STXBP4: variants seen among roughly 807,000 people sequenced by gnomAD.
The protein encoded by STXBP4 is syntaxin-binding protein 4.
A neutral mutation model predicts 76.1 loss-of-function variants in STXBP4; 55 were observed. That is an observed-to-expected ratio of 0.72 (90% confidence interval 0.58 to 0.91). STXBP4 has a LOEUF of 0.91. Ranked by LOEUF, STXBP4 falls within the 40% of genes least tolerant of loss-of-function variation. The pLI is 0.00. For missense variants in STXBP4, 618 were observed against 636.9 expected, an observed-to-expected ratio of 0.97 and a Z score of 0.32; for synonymous variants, 201 against 220.2, an observed-to-expected ratio of 0.91 and a Z score of 0.77.
At chr17:55,153,775 C>T (rs1162261241) in intron 17 of STXBP4, among the ~76,000 whole-genome samples, 1 of 152,130 alleles carries the variant, frequency 6.6e-6, no homozygotes, top group Non-Finnish European at 1.5e-5. Context: ...AACGTGGAAA[C>T]GTTGACAGTG....
At chr17:55,066,920 T>C (rs2079058765) in intron 12 of STXBP4, among the ~76,000 whole-genome samples, 1 of 152,210 alleles carries the variant, frequency 6.6e-6, no homozygotes, top group African/African-American at 2.4e-5. Flanking sequence ...TATTATTATA[T>C]GGTGTTTCTC....
intron 16 of STXBP4, among the ~76,000 whole-genome samples, chr17:55,128,925 CTTTTTTTTT>C (rs35073950): frequency 1.2e-5 from 1 of 86,276 alleles, no homozygotes; most frequent in South Asian, 3.9e-4. Context: ...TGTAAGGATT[CTTTTTTTTT>C]TTTTTTTTTT....
At position 55,159,663 on chromosome 17, in the gene STXBP4, T is replaced by C. The variant is rs1216743977; in HGVS notation, c.1548-134T>C. Reference sequence around the variant, plus strand: ...ATGTGTCTAAGACTTATTAAAGCTATTGGATCTAGTTCTAACTGCTTCCTA... The same window carrying C: ...ATGTGTCTAAGACTTATTAAAGCTACTGGATCTAGTTCTAACTGCTTCCTA... On this transcript the variant is annotated intron_variant, in intron 17 of 17. Transcript: ENST00000376352. 3.3e-5 allele frequency: 18 copies of C among 544,710 alleles called. No individual in the cohort carries two copies. The South Asian group carries it at 4.5e-4, about 14-fold the overall frequency. 33.7% of individuals were successfully genotyped at this position (544,710 alleles called of 1,614,324 possible).
chr17:55,096,133 TG>T (rs1172281864), intron 16 of STXBP4, among the ~76,000 whole-genome samples: 1 of 152,052 alleles, frequency 6.6e-6, no homozygotes, highest in Non-Finnish European at 1.5e-5. Context: ...TATAGGTTTA[TG>T]GGGGTTTTGT....
rs774742250 is a variant in STXBP4 at position 54,999,372 on chromosome 17, C to T, written c.208C>T (p.Leu70Phe). Residue 70 changes from leucine (L) to phenylalanine (F), a missense_variant, in exon 5 of 18, where the codon CTT becomes TTT. Physicochemically the swap from Leu to Phe is conservative, Grantham distance 22. Transcript: ENST00000376352. Reference protein sequence around the residue: ...KDGRLKPGDQLVSVNKESMIG... With the variant: ...KDGRLKPGDQFVSVNKESMIG... ...TGGTCGTTTGAAGCCAGGAGATCAA[C>T]TTGTCTCAGTCAACAAGGAATCTAT... 2.5e-6 allele frequency: 4 copies of T among 1,612,126 alleles called. No individual in the cohort carries two copies. The highest frequency in any genetic ancestry group is 1.6e-4 in the Middle Eastern group (1 of 6,076).
At chr17:55,049,174 A>G (rs886501076) in intron 12 of STXBP4, among the ~76,000 whole-genome samples, 1 of 152,046 alleles carries the variant, frequency 6.6e-6, no homozygotes, top group Non-Finnish European at 1.5e-5. Context: ...TAAAATATCA[A>G]GGCCATAGAA....
At chr17:55,055,694 A>G (rs1381491584) in intron 12 of STXBP4, among the ~76,000 whole-genome samples, 2 of 151,984 alleles carry the variant, frequency 1.3e-5, no homozygotes, top group Non-Finnish European at 2.9e-5. Context: ...CCCCATCCTA[A>G]CACTCCTTTT....
At position 55,161,718 on chromosome 17, in the gene STXBP4, C is replaced by T. The variant is rs2080338675; in HGVS notation, c.*1807C>T. 1 of 152,138 alleles carries T rather than the reference C, an allele frequency of 6.6e-6. No homozygotes were observed. Among genetic ancestry groups the T allele is most frequent in the South Asian group, 2.1e-4 (1 of 4,818 alleles). 9.4% of individuals were successfully genotyped at this position (152,138 alleles called of 1,614,324 possible). ...AATTGTAATGATATTATTTATTGGG[C>T]ATTTTGTGCCATACATGGTGATGAG... On this transcript the variant is annotated 3_prime_UTR_variant, in exon 18 of 18. Coordinates refer to ENST00000376352, the MANE Select transcript of STXBP4 (RefSeq NM_178509.6).
intron 4 of STXBP4, among the ~76,000 whole-genome samples, chr17:54,994,539 C>T (rs766114045): frequency 2.6e-5 from 4 of 152,186 alleles, no homozygotes; most frequent in African/African-American, 4.8e-5. Flanking sequence ...CTTTTTTACT[C>T]TCGAAATATC....
intron 4 of STXBP4, chr17:54,991,997 T>A (rs1420871487): frequency 1.3e-5 from 2 of 152,106 alleles, no homozygotes; most frequent in Non-Finnish European, 2.9e-5. Flanking sequence ...TTCAGCTGGA[T>A]TTTTTTGTCT....
At chr17:55,151,339 A>G (rs2080215764) in intron 17 of STXBP4, among the ~76,000 whole-genome samples, 1 of 152,192 alleles carries the variant, frequency 6.6e-6, no homozygotes, top group Non-Finnish European at 1.5e-5. Flanking sequence ...AGAGAAAAAT[A>G]AGGTCTGTGA....
At chr17:55,149,297 ATTG>A (rs926715201) in intron 17 of STXBP4, among the ~76,000 whole-genome samples, 1 of 152,186 alleles carries the variant, frequency 6.6e-6, no homozygotes, top group African/African-American at 2.4e-5. Flanking sequence ...TCGAATGAAT[ATTG>A]TTGTTGGCAG....
intron 4 of STXBP4, among the ~76,000 whole-genome samples, chr17:54,993,554 G>A (rs2077751792): frequency 6.6e-6 from 1 of 152,160 alleles, no homozygotes; most frequent in African/African-American, 2.4e-5. Context: ...AGAGCTCTAT[G>A]CATATGCATA....
intron 1 of STXBP4, among the ~76,000 whole-genome samples, chr17:54,974,742 A>T (rs1278610180): frequency 1.3e-5 from 2 of 152,240 alleles, no homozygotes; most frequent in African/African-American, 2.4e-5. Flanking sequence ...CTTTTATTGA[A>T]GTGGCATTGT....
Position 55,067,874 on chromosome 17 carries a change from A to G in STXBP4, c.1012-5026A>G, listed in dbSNP as rs148144786. On this transcript the variant is annotated intron_variant, in intron 12 of 17. Transcript: ENST00000376352. ...ACAGTGCTTAATTACTGGTTAGGTA[A>G]GGAGGAGGAGGAGTTGGCTAGATGA... Among the ~76,000 whole-genome samples the G allele has an allele frequency of 3.3e-3, 503 of 152,124 alleles. 2 individuals are homozygous for G. The highest frequency in any genetic ancestry group is 0.011 in the African/African-American group (469 of 41,540).
At chr17:55,053,789 C>T (rs2078891191) in intron 12 of STXBP4, among the ~76,000 whole-genome samples, 1 of 152,028 alleles carries the variant, frequency 6.6e-6, no homozygotes, top group African/African-American at 2.4e-5. Context: ...TTAGCGTTTG[C>T]ATCCTGAAAA....
chr17:55,091,531 A>T (rs2079414510), intron 16 of STXBP4, among the ~76,000 whole-genome samples: 1 of 152,142 alleles, frequency 6.6e-6, no homozygotes, highest in Admixed American at 6.5e-5. Flanking sequence ...ACCTCATGTG[A>T]TGGGTGGTAG....
chr17:55,202,488 C>T, the STXBP4 span, among the ~76,000 whole-genome samples: 1 of 150,456 alleles, frequency 6.6e-6, no homozygotes, highest in Non-Finnish European at 1.5e-5. Flanking sequence ...TTTGTGAAAA[C>T]CTAACCAGTA....
At chr17:55,046,102 G>C (rs1388615051) in intron 11 of STXBP4, among the ~76,000 whole-genome samples, 1 of 151,962 alleles carries the variant, frequency 6.6e-6, no homozygotes, top group African/African-American at 2.4e-5. Flanking sequence ...TTTAAGGAAG[G>C]CTTTCTGCAG....
Sources: allele counts gnomAD v4.1 joint callset (sites outside exome capture counted in the v4.1 genomes callset), GRCh38; gene constraint gnomAD v4.1.1; transcripts MANE v1.5; gene names NCBI Gene and HGNC (gene_info 2026-07-23, HGNC 2026-07-21).